Variants in CCDC122 observed in about 807,000 individuals in gnomAD.
CCDC122 encodes coiled-coil domain-containing protein 122.
Under a neutral mutation model 37.0 loss-of-function variants are expected in CCDC122, and 38 were observed. The ratio of observed to expected loss-of-function variants is 1.03; its 90% CI spans 0.79 to 1.35. The LOEUF (loss-of-function observed/expected upper bound fraction) is 1.35, where lower values mean the gene tolerates loss of function less well. Among genes scored for constraint, CCDC122 ranks in the 40% most tolerant of loss-of-function variants. The pLI is 0.00. For missense variants in CCDC122, 305 were observed against 310.0 expected (o/e 0.98, Z 0.12); for synonymous variants, 83 against 95.6 (o/e 0.87, Z 0.77).
downstream of CCDC122, among the ~76,000 whole-genome samples, chr13:43,833,967 A>T (rs1953115026): frequency 6.6e-6 from 1 of 152,216 alleles, no homozygotes; most frequent in African/African-American, 2.4e-5. Context: ...AAATAACTTC[A>T]ATTTTCTAAT....
At chr13:43,841,604 A>G (rs1953354465) in intron 6 of CCDC122, among the ~76,000 whole-genome samples, 1 of 152,220 alleles carries the variant, frequency 6.6e-6, no homozygotes, top group South Asian at 2.1e-4. Flanking sequence ...TGACTTTATT[A>G]TAGGCTGATA....
At chr13:43,825,922 G>C (rs1953035899) in intron 3 of CCDC122, among the ~76,000 whole-genome samples, 1 of 152,076 alleles carries the variant, frequency 6.6e-6, no homozygotes, top group Non-Finnish European at 1.5e-5. Flanking sequence ...TGTACCTCTT[G>C]AATCTAAAAT....
chr13:43,828,446 T>C (rs780623346), intron 3 of CCDC122, among the ~76,000 whole-genome samples: 6 of 152,000 alleles, frequency 3.9e-5, no homozygotes, highest in Non-Finnish European at 7.4e-5. Flanking sequence ...CCTTCCCCAG[T>C]TGGGATTAAT....
At chr13:43,837,534 A>C in intron 6 of CCDC122, 105 bp from the exon 7 acceptor site, 1 of 847,692 alleles carries the variant, frequency 1.2e-6, no homozygotes. Flanking sequence ...TTAATTAGAA[A>C]CTATCCACTA....
chr13:43,862,685 T>A (rs868496535), intron 4 of CCDC122, among the ~76,000 whole-genome samples: 3 of 152,128 alleles, frequency 2.0e-5, no homozygotes, highest in African/African-American at 7.2e-5. Flanking sequence ...ATTCATTCAA[T>A]AAATGAGTGA....
chr13:43,872,965 C>T (rs868251664), intron 2 of CCDC122, among the ~76,000 whole-genome samples: 12 of 152,104 alleles, frequency 7.9e-5, no homozygotes, highest in African/African-American at 2.4e-4. Flanking sequence ...ACTTTTATCA[C>T]GGTATCTATG....
chr13:43,835,137 A>G (rs1398291838), downstream of CCDC122, among the ~76,000 whole-genome samples: 7 of 152,204 alleles, frequency 4.6e-5, no homozygotes, highest in Non-Finnish European at 1.0e-4. Flanking sequence ...GCCATAAAAA[A>G]TGATGAGTTC....
intron 6 of CCDC122, among the ~76,000 whole-genome samples, chr13:43,846,365 C>T (rs548891152): frequency 2.0e-5 from 3 of 152,272 alleles, no homozygotes; most frequent in South Asian, 2.1e-4. Flanking sequence ...TGAGCCACTG[C>T]GCCCGGCCAA....
At chr13:43,852,522 A>T (rs1002593897) in intron 6 of CCDC122, among the ~76,000 whole-genome samples, 2 of 152,094 alleles carry the variant, frequency 1.3e-5, no homozygotes, top group Middle Eastern at 6.3e-3. Flanking sequence ...TGGAGTCCCT[A>T]AAAGAGATGG....
At chr13:43,849,182 T>C in intron 6 of CCDC122, 1 of 561,026 alleles carries the variant, frequency 1.8e-6, no homozygotes, top group Non-Finnish European at 2.3e-6. Context: ...ATGAAAAAGT[T>C]CAAAAGAATC....
chr13:43,828,052 T>C (rs1953056229), intron 3 of CCDC122, among the ~76,000 whole-genome samples: 1 of 152,158 alleles, frequency 6.6e-6, no homozygotes, highest in Non-Finnish European at 1.5e-5. Flanking sequence ...TGGGGACAGA[T>C]TTTAAAGTGT....
At chr13:43,823,288 C>T (rs1232083270), downstream of CCDC122, among the ~76,000 whole-genome samples, 1 of 152,090 alleles carries the variant, frequency 6.6e-6, no homozygotes, top group Non-Finnish European at 1.5e-5. Context: ...GATGTCCTGT[C>T]TCACTGTGGC....
chr13:43,850,421 A>G (rs1953686312), intron 6 of CCDC122, among the ~76,000 whole-genome samples: 2 of 152,234 alleles, frequency 1.3e-5, no homozygotes, highest in Non-Finnish European at 2.9e-5. Flanking sequence ...TCAATAAACA[A>G]TTACAAACAT....
chr13:43,858,279 G>A (rs1953990710), intron 6 of CCDC122: 1 of 152,134 alleles, frequency 6.6e-6, no homozygotes, highest in African/African-American at 2.4e-5. Flanking sequence ...AAGTCCACAG[G>A]CAGCACCACA....
At chr13:43,878,962 C>A (rs1243109565) in intron 1 of CCDC122, among the ~76,000 whole-genome samples, 1 of 152,144 alleles carries the variant, frequency 6.6e-6, no homozygotes, top group Admixed American at 6.5e-5. Context: ...CTCGAGGGGG[C>A]CCCTGACTTG....
At chr13:43,861,705 G>C (rs1258072451) in intron 4 of CCDC122, among the ~76,000 whole-genome samples, 1 of 152,136 alleles carries the variant, frequency 6.6e-6, no homozygotes, top group Non-Finnish European at 1.5e-5. Flanking sequence ...ATATGGCAAT[G>C]AACCTCAATT....
At chr13:43,871,003 A>G (rs1414631182) in intron 2 of CCDC122, among the ~76,000 whole-genome samples, 1 of 152,104 alleles carries the variant, frequency 6.6e-6, no homozygotes, top group Admixed American at 6.6e-5. Flanking sequence ...TCCCAAAGTC[A>G]GTGCTTCGGA....
chr13:43,832,724 C>A (rs903664459), downstream of CCDC122, among the ~76,000 whole-genome samples: 3 of 152,054 alleles, frequency 2.0e-5, no homozygotes, highest in African/African-American at 7.2e-5. Flanking sequence ...TCCTTGGAAT[C>A]ATTTTCTTGT....
At chr13:43,854,404 C>A (rs1427816585) in intron 6 of CCDC122, 3 of 152,138 alleles carry the variant, frequency 2.0e-5, no homozygotes, top group Non-Finnish European at 4.4e-5. Flanking sequence ...TGGAGACATA[C>A]ACCCTCCCAA....
Sources: allele counts gnomAD v4.1 joint callset (sites outside exome capture counted in the v4.1 genomes callset), GRCh38; gene constraint gnomAD v4.1.1; transcripts MANE v1.5; gene names NCBI Gene and HGNC (gene_info 2026-07-23, HGNC 2026-07-21).